Variants in CROCC2 observed in about 807,000 individuals in gnomAD.
The protein encoded by CROCC2 is ciliary rootlet coiled-coil, rootletin family member 2.
A neutral mutation model predicts 177.6 loss-of-function variants in CROCC2; 163 were observed. That is an observed-to-expected ratio of 0.92 (90% CI 0.81 to 1.05). CROCC2 has a LOEUF of 1.05. Among genes scored for constraint, CROCC2 ranks in the 50% least tolerant of loss-of-function variants. The pLI is 0.00. For missense variants in CROCC2, 1,929 were observed against 1,797.8 expected (o/e 1.07, Z -1.32); for synonymous variants, 904 against 787.3 (o/e 1.15, Z -2.48).
chr2:240,952,862 C>A (rs2059565566), intron 18 of CROCC2, among the ~76,000 whole-genome samples: 1 of 151,934 alleles, frequency 6.6e-6, no homozygotes, highest in Admixed American at 6.6e-5. Context: ...GCGAGAGGGG[C>A]TGAGAGCCAG....
intron 20 of CROCC2, among the ~76,000 whole-genome samples, chr2:240,962,897 C>T (rs1017535650): frequency 1.3e-5 from 2 of 152,206 alleles, no homozygotes; most frequent in Admixed American, 1.3e-4. Context: ...TGGGTTCTCC[C>T]GGGCACTGTG....
rs899655359 is a variant in CROCC2 at position 240,959,579 on chromosome 2, G to C, written c.3087+135G>C. The C allele has an allele frequency of 5.0e-6, 6 of 1,205,796 alleles. No homozygotes were observed. The African/African-American group carries it at 9.3e-5, about 19-fold the overall frequency. The allele number at this position is 1,205,796 out of a possible 1,614,324, so 74.7% of individuals were successfully genotyped here. ...CACAGAGAAGGGAAGAGTAGTCCCT[G>C]GGACTAGGAAGAGGCAAACAGCCAT... On this transcript the variant is annotated intron_variant, in intron 20 of 31. Transcript: ENST00000690015.
Position 240,958,168 on chromosome 2 carries a change from G to A in CROCC2, c.2944-1133G>A, listed in dbSNP as rs1559604444. ...GAATGCCGGCCAAGGAGCACCAGGC[G>A]CCAGATGACAGGACAGCGTGCGCCC... is the stretch of plus-strand genomic sequence containing the variant. On this transcript the variant is annotated intron_variant, in intron 19 of 31. Transcript: ENST00000690015. The surrounding 1 kb of genome is among the most constrained non-coding windows in gnomAD (Gnocchi z 6.7). The A allele has an allele frequency of 2.5e-5, 25 of 985,394 alleles. No homozygotes were observed. Among genetic ancestry groups the A allele is most frequent in the Admixed American group, 6.1e-5 (1 of 16,292 alleles). The allele number at this position is 985,394 out of a possible 1,614,324, so 61.0% of individuals were successfully genotyped here. A position where few individuals can be genotyped will look rare whatever the true frequency, so the allele number is the denominator to read the frequency against.
At chr2:240,961,388 A>G (rs2059632231) in intron 20 of CROCC2, among the ~76,000 whole-genome samples, 1 of 151,750 alleles carries the variant, frequency 6.6e-6, no homozygotes, top group Non-Finnish European at 1.5e-5. Flanking sequence ...CACACAGTGC[A>G]CACAGGCGTG....
intron 20 of CROCC2, 154 bp downstream of exon 20, chr2:240,959,598 C>G: frequency 9.9e-7 from 1 of 1,009,346 alleles, no homozygotes; most frequent in Non-Finnish European, 1.4e-6. Flanking sequence ...AAGAGGCAAA[C>G]AGCCATAGGG....
Position 240,967,482 on chromosome 2 carries a change from T to G in CROCC2, c.4267+17T>G. 101 of 1,023,454 alleles carry G rather than the reference T, an allele frequency of 9.9e-5. No individual in the cohort carries two copies. Among genetic ancestry groups the G allele is most frequent in the Non-Finnish European group, 1.4e-4 (92 of 681,380 alleles). 63.4% of individuals were successfully genotyped at this position (1,023,454 alleles called of 1,614,324 possible). Reference sequence around the variant, plus strand: ...CGGAAGAAGGTGACCTCCCTTGCCCTGCCCCGCCCACCCTGGGAGTGGCTG... The same window carrying G: ...CGGAAGAAGGTGACCTCCCTTGCCCGGCCCCGCCCACCCTGGGAGTGGCTG... On this transcript the variant is annotated intron_variant, in intron 26 of 31. Coordinates refer to ENST00000690015, the MANE Select transcript of CROCC2 (RefSeq NM_001351305.2).
Position 240,963,702 on chromosome 2 carries a change from G to A in CROCC2, c.3234G>A (p.Glu1078=), listed in dbSNP as rs2106479108. The change falls in exon 21 of 32, where the codon GAG becomes GAA. Residue 1078 remains glutamate (E), a synonymous_variant. Coordinates refer to ENST00000690015, the MANE Select transcript of CROCC2 (RefSeq NM_001351305.2). ...ARRALSDEAR[E]KDVLLLFNSE... ...GGGCGCTGAGTGACGAGGCCCGCGA[G>A]AAGGACGTACTGTTGCTTTTCAACA... 3 of 1,550,372 alleles carry A rather than the reference G, an allele frequency of 1.9e-6. No homozygotes were observed. Among genetic ancestry groups the A allele is most frequent in the East Asian group, 2.4e-5 (1 of 40,914 alleles).
Position 240,935,345 on chromosome 2 carries a change from C to A in CROCC2, c.1939-13C>A. 3 of 1,356,054 alleles carry A rather than the reference C, an allele frequency of 2.2e-6. No homozygotes were observed. Among genetic ancestry groups the A allele is most frequent in the Non-Finnish European group, 2.9e-6 (3 of 1,048,274 alleles). 84.0% of individuals were successfully genotyped at this position (1,356,054 alleles called of 1,614,324 possible). ...GGGGGAGTGGATGCAGAGCCCCCGA[C>A]ACCTGGTGGCAGCTGGAGCAGGAGC... On this transcript the variant is annotated splice_polypyrimidine_tract_variant and intron_variant, in intron 13 of 31. Transcript: ENST00000690015.
chr2:240,923,433 C>A (rs1028714856), intron 4 of CROCC2, among the ~76,000 whole-genome samples: 2 of 149,914 alleles, frequency 1.3e-5, no homozygotes, highest in Non-Finnish European at 3.0e-5. Context: ...CCGGCCCCCA[C>A]CCTGCCTGTA....
chr2:240,925,913 G>C (rs1379335139), intron 5 of CROCC2, 33 bp downstream of exon 5: 1 of 684,224 alleles, frequency 1.5e-6, no homozygotes, highest in Admixed American at 2.2e-5. Context: ...CCTCATGGCG[G>C]CCGCCTGTCT....
Position 240,934,349 on chromosome 2 carries a change from G to A in CROCC2, c.1665G>A (p.Gln555=). Residue 555 remains glutamine, a synonymous_variant, in exon 12 of 32, where the codon CAG becomes CAA. Coordinates refer to ENST00000690015, the MANE Select transcript of CROCC2 (RefSeq NM_001351305.2). ...GCCTCAGTCAAGGCCGCCTGCAGCA[G>A]CTGGAGGAGAAGGTCTCCGGGCTCA... is the stretch of plus-strand genomic sequence containing the variant. ...ALETSQGRLQ[Q]LEEKVSGLRE... 6.5e-7 allele frequency: 1 copy of A among 1,548,644 alleles called. No individual in the cohort carries two copies. Among genetic ancestry groups the A allele is most frequent in the Non-Finnish European group, 8.7e-7 (1 of 1,146,894 alleles).
intron 27 of CROCC2, among the ~76,000 whole-genome samples, chr2:240,971,191 G>A (rs115762789): frequency 5.8e-4 from 88 of 152,340 alleles, no homozygotes; most frequent in African/African-American, 1.7e-3. Context: ...GAGGGTGTGC[G>A]TGAGTGGGTG....
Position 240,955,842 on chromosome 2 carries a change from T to C in CROCC2, c.2830-17T>C. The C allele has an allele frequency of 2.0e-6, 3 of 1,522,896 alleles. No homozygotes were observed. The highest frequency in any genetic ancestry group is 2.6e-6 in the Non-Finnish European group (3 of 1,136,112). The allele number at this position is 1,522,896 out of a possible 1,614,324, so 94.3% of individuals were successfully genotyped here. ...AGACTCCCCAACTTTCTCACAAGCA[T>C]ACCCCGTCCTGTTCAGGCCCTGTCC... On this transcript the variant is annotated splice_polypyrimidine_tract_variant and intron_variant, in intron 18 of 31. Transcript: ENST00000690015.
At chr2:240,981,144 A>G (rs2059795925) in intron 27 of CROCC2, among the ~76,000 whole-genome samples, 1 of 144,584 alleles carries the variant, frequency 6.9e-6, no homozygotes, top group Admixed American at 6.9e-5. Context: ...ATCCCTGCTC[A>G]GTCTCTGGGG....
chr2:240,950,027 C>T (rs2059544323), intron 17 of CROCC2, among the ~76,000 whole-genome samples: 1 of 152,190 alleles, frequency 6.6e-6, no homozygotes, highest in African/African-American at 2.4e-5. Context: ...TCCCACAGGT[C>T]ACAGGCTTCT....
intron 27 of CROCC2, among the ~76,000 whole-genome samples, chr2:240,968,481 T>C (rs1433278211): frequency 6.6e-6 from 1 of 151,552 alleles, no homozygotes; most frequent in Non-Finnish European, 1.5e-5. Flanking sequence ...GGGACTGGGG[T>C]CGTCCTTAGC....
chr2:240,930,207 C>T lies in CROCC2; in HGVS notation c.687C>T (p.Leu229=), dbSNP rs1574755841. 3.4e-6 allele frequency: 2 copies of T among 595,658 alleles called. No homozygotes were observed. The highest frequency in any genetic ancestry group is 5.9e-5 in the Admixed American group (2 of 33,644). The allele number at this position is 595,658 out of a possible 1,614,324, so 36.9% of individuals were successfully genotyped here. ...GGLGQPRDLL[L]LWRQAVVLGT... ...TGGGGCAGCCCCGGGACCTCCTCCT[C>T]CTGTGGAGACAGGCCGTGGTGCTGG... The change falls in exon 6 of 32, where the codon CTC becomes CTT. Residue 229 remains leucine, a synonymous_variant. Transcript: ENST00000690015.
chr2:240,966,031 C>T (rs2059681650), intron 24 of CROCC2, 38 bp downstream of exon 24: 1 of 1,323,592 alleles, frequency 7.6e-7, no homozygotes, highest in Non-Finnish European at 9.6e-7. Context: ...GCCCCTCTCC[C>T]AGCTCAGTCC....
At chr2:240,932,982 G>A (rs1444649278) in intron 9 of CROCC2, 74 bp downstream of exon 9, 2 of 1,483,294 alleles carry the variant, frequency 1.3e-6, no homozygotes, top group African/African-American at 2.8e-5. Flanking sequence ...CTGAAGGGTA[G>A]TTATGGGGCC....
Sources: gnomAD v4.1 joint callset for allele counts (sites outside exome capture counted in the v4.1 genomes callset) on GRCh38, gnomAD v4.1.1 for gene constraint, Gnocchi (gnomAD v3.1) non-coding constraint, MANE v1.5 for transcripts, NCBI Gene and HGNC (gene_info 2026-07-23, HGNC 2026-07-21) for gene names.